Variants in PDZD8 observed in about 807,000 individuals in gnomAD.
The protein encoded by PDZD8 is PDZ domain containing 8, also known as PDZ domain-containing protein 8.
Under a neutral mutation model 85.8 loss-of-function variants are expected in PDZD8, and 14 were observed. The ratio of observed to expected loss-of-function variants is 0.16; its 90% confidence interval spans 0.11 to 0.26. The LOEUF (loss-of-function observed/expected upper bound fraction) is 0.26. PDZD8 is among the 10% of genes least tolerant of loss of function. The pLI is 1.00. For synonymous variants in PDZD8, 592 were observed against 568.6 expected (o/e 1.04, Z -0.59); for missense variants, 1,197 against 1,424.3 (o/e 0.84, Z 2.57).
chr10:117,369,861 TA>T (rs1262641189), intron 1 of PDZD8, among the ~76,000 whole-genome samples: 1 of 152,202 alleles, frequency 6.6e-6, no homozygotes, highest in Non-Finnish European at 1.5e-5. Flanking sequence ...TTCCATTTTT[TA>T]AACAGTGCAG....
chr10:117,321,473 CAGG>C (rs1262639247), intron 2 of PDZD8, among the ~76,000 whole-genome samples: 2 of 151,942 alleles, frequency 1.3e-5, no homozygotes, highest in Non-Finnish European at 2.9e-5. Flanking sequence ...TTTAGGGTTG[CAGG>C]AGGAGTACTA....
intron 3 of PDZD8, among the ~76,000 whole-genome samples, chr10:117,315,406 C>T (rs1247783855): frequency 6.6e-6 from 1 of 151,762 alleles, no homozygotes; most frequent in Non-Finnish European, 1.5e-5. Context: ...ACCAGCCTGG[C>T]CAACATGGTG....
chr10:117,328,792 A>T (rs545651521), intron 2 of PDZD8, among the ~76,000 whole-genome samples: 1 of 152,272 alleles, frequency 6.6e-6, no homozygotes, highest in South Asian at 2.1e-4. Context: ...ATGAATCATA[A>T]ATAAAAGCCA....
chr10:117,343,126 G>A (rs544705010), intron 1 of PDZD8, among the ~76,000 whole-genome samples: 3 of 152,196 alleles, frequency 2.0e-5, no homozygotes, highest in African/African-American at 4.8e-5. Flanking sequence ...TATGTGTTGC[G>A]CTGATTTACA....
chr10:117,294,636 T>C (rs990637299), intron 3 of PDZD8, among the ~76,000 whole-genome samples: 8 of 152,072 alleles, frequency 5.3e-5, no homozygotes, highest in Admixed American at 5.2e-4. Flanking sequence ...GGATAAAAAA[T>C]GTGCGGTATA....
At position 117,278,636 on chromosome 10, in the gene PDZD8, C is replaced by A. The variant is rs1431289621; in HGVS notation, c.*4632G>T. 1 of 151,594 alleles carries A rather than the reference C, an allele frequency of 6.6e-6. No homozygotes were observed. The highest frequency in any genetic ancestry group is 1.9e-4 in the East Asian group (1 of 5,152). 9.4% of individuals were successfully genotyped at this position (151,594 alleles called of 1,614,324 possible). The stretch of plus-strand genomic sequence containing the variant: ...ACAAAAATTACTTAGTTTCGTTAAG[C>A]TAAGATTGTGTTTGTGTTAACTTCG... On this transcript the variant is annotated 3_prime_UTR_variant, in exon 5 of 5. Transcript: ENST00000334464.
In PDZD8 at chr10:117,284,323, G is replaced by A; in HGVS notation, c.2410C>T (p.His804Tyr). Residue 804 changes from histidine to tyrosine, a missense_variant, in exon 5 of 5, where the codon CAT (histidine) becomes TAT (tyrosine). Coordinates refer to ENST00000334464, the MANE Select transcript of PDZD8 (RefSeq NM_173791.5). Reference protein sequence around the residue: ...KYLKEGESDHHVVTNVEKEKE... With the variant: ...KYLKEGESDHYVVTNVEKEKE... The stretch of plus-strand genomic sequence containing the variant: ...TCTTTTTCTACGTTAGTAACTACAT[G>A]GTGGTCTGATTCTCCTTCTTTCAAA... The A allele has an allele frequency of 1.2e-6, 2 of 1,614,092 alleles. No homozygotes were observed. Among genetic ancestry groups the A allele is most frequent in the East Asian group, 2.2e-5 (1 of 44,880 alleles).
At chr10:117,298,599 A>G (rs1376236684) in intron 3 of PDZD8, among the ~76,000 whole-genome samples, 3 of 152,096 alleles carry the variant, frequency 2.0e-5, no homozygotes, top group African/African-American at 7.2e-5. Context: ...TCAACTACAG[A>G]CAATATATAT....
intron 1 of PDZD8, among the ~76,000 whole-genome samples, chr10:117,360,158 G>GC (rs1844971949): frequency 6.6e-6 from 1 of 152,202 alleles, no homozygotes; most frequent in African/African-American, 2.4e-5. Flanking sequence ...AATCAAGGCT[G>GC]CAGGTCCCTC....
intron 2 of PDZD8, among the ~76,000 whole-genome samples, chr10:117,322,129 TGG>T (rs1255693599): frequency 6.6e-6 from 1 of 152,158 alleles, no homozygotes. Flanking sequence ...ACAAAAATTA[TGG>T]GAGGCCATTG....
At position 117,339,052 on chromosome 10, in the gene PDZD8, T is replaced by TA. The variant is rs758827467; in HGVS notation, c.995+1927dup. Reference sequence around the variant, plus strand: ...CAACATATTTAGTCTTTTTTTGATTTAAAAAAAAAGGGATTCTTTGTCTAC... The same window carrying TA: ...CAACATATTTAGTCTTTTTTTGATTTAAAAAAAAAAGGGATTCTTTGTCTAC... On this transcript the variant is annotated intron_variant, in intron 2 of 4. Transcript: ENST00000334464. Among the ~76,000 whole-genome samples the TA allele has an allele frequency of 1.3e-3, 184 of 145,508 alleles. 1 individual carries two copies. The highest frequency in any genetic ancestry group is 1.7e-3 in the African/African-American group (64 of 38,718).
chr10:117,317,512 C>T (rs1406197261), intron 3 of PDZD8, among the ~76,000 whole-genome samples: 1 of 152,082 alleles, frequency 6.6e-6, no homozygotes, highest in Non-Finnish European at 1.5e-5. Flanking sequence ...AAAATAATGA[C>T]AAGATTAAAG....
chr10:117,357,057 G>A (rs937035084), intron 1 of PDZD8, among the ~76,000 whole-genome samples: 12 of 152,128 alleles, frequency 7.9e-5, no homozygotes, highest in African/African-American at 2.9e-4. Context: ...AATTTACAAA[G>A]TTGAAATAAA....
chr10:117,344,410 C>T lies in PDZD8; in HGVS notation c.873-3308G>A, dbSNP rs377656767. Reference sequence around the variant, plus strand: ...CTTTTTATTTTTTATTTTTTTGAGACGGAGTCTCAATTTGTCGCCCAGGCT... The same window carrying T: ...CTTTTTATTTTTTATTTTTTTGAGATGGAGTCTCAATTTGTCGCCCAGGCT... On this transcript the variant is annotated intron_variant, in intron 1 of 4. Transcript: ENST00000334464. Among the ~76,000 whole-genome samples, 16 of 152,226 alleles carry T rather than the reference C, an allele frequency of 1.1e-4. No individual in the cohort carries two copies. In the East Asian group the frequency reaches 1.4e-3, roughly 13 times the overall value.
chr10:117,340,214 C>G (rs1042968243), intron 2 of PDZD8, among the ~76,000 whole-genome samples: 1 of 152,174 alleles, frequency 6.6e-6, no homozygotes, highest in Non-Finnish European at 1.5e-5. Context: ...CCAATTATCA[C>G]AAACAATTCT....
chr10:117,354,405 C>G (rs1755092737), intron 1 of PDZD8, among the ~76,000 whole-genome samples: 2 of 152,164 alleles, frequency 1.3e-5, no homozygotes, highest in Non-Finnish European at 2.9e-5. Context: ...CAAAGTATTA[C>G]TATTTCAAAC....
intron 1 of PDZD8, among the ~76,000 whole-genome samples, chr10:117,363,888 A>C (rs943744442): frequency 1.3e-5 from 2 of 152,222 alleles, no homozygotes; most frequent in Non-Finnish European, 2.9e-5. Flanking sequence ...GTTCTAAAGC[A>C]TTGTGATTTC....
intron 3 of PDZD8, among the ~76,000 whole-genome samples, chr10:117,294,094 GA>G (rs1271478392): frequency 6.6e-6 from 1 of 151,978 alleles, no homozygotes; most frequent in African/African-American, 2.4e-5. Flanking sequence ...ATATAGGGGG[GA>G]AAATCTAAAA....
intron 1 of PDZD8, among the ~76,000 whole-genome samples, chr10:117,369,053 C>T (rs1267240777): frequency 7.9e-5 from 12 of 151,954 alleles, no homozygotes; most frequent in Admixed American, 7.2e-4. Context: ...AGGCTGGTCT[C>T]GAACTCCTGA....
Sources: gnomAD v4.1 joint callset for allele counts (sites outside exome capture counted in the v4.1 genomes callset) on GRCh38, gnomAD v4.1.1 for gene constraint, MANE v1.5 for transcripts, NCBI Gene and HGNC (gene_info 2026-07-23, HGNC 2026-07-21) for gene names.